Variants in NTNG2 observed in about 807,000 individuals in gnomAD.
NTNG2 encodes the protein netrin G2.
NTNG2 carries 15 observed loss-of-function variants against 47.6 expected under a neutral mutation model. That is an observed-to-expected ratio of 0.32 (90% confidence interval 0.21 to 0.49). The LOEUF (loss-of-function observed/expected upper bound fraction) is 0.49, where lower values mean the gene tolerates loss of function less well. NTNG2 is among the 20% of genes least tolerant of loss of function. The probability of loss-of-function intolerance (pLI) is 0.99; values close to 1 mark genes in which losing one functional copy is unlikely to be tolerated. For missense variants in NTNG2, 578 were observed against 764.6 expected (o/e 0.76, Z 2.88); for synonymous variants, 307 against 324.6 (o/e 0.95, Z 0.58).
At chr9:132,211,836 G>A (rs1839613015) in intron 3 of NTNG2, among the ~76,000 whole-genome samples, 1 of 152,218 alleles carries the variant, frequency 6.6e-6, no homozygotes, top group South Asian at 2.1e-4. Context: ...AGCTCCAAGG[G>A]AGCAGGGATG....
At chr9:132,195,777 C>T (rs1233308345) in intron 2 of NTNG2, among the ~76,000 whole-genome samples, 1 of 151,814 alleles carries the variant, frequency 6.6e-6, no homozygotes, top group Non-Finnish European at 1.5e-5. Context: ...CACAGGTGTG[C>T]ACCACTATGC....
intron 2 of NTNG2, among the ~76,000 whole-genome samples, chr9:132,183,447 A>T (rs1837101151): frequency 6.6e-6 from 1 of 152,008 alleles, no homozygotes; most frequent in Admixed American, 6.6e-5. Context: ...TGCTCAGTCG[A>T]CCTAGAGCAC....
At chr9:132,213,775 C>T (rs904547439) in intron 3 of NTNG2, among the ~76,000 whole-genome samples, 1 of 152,204 alleles carries the variant, frequency 6.6e-6, no homozygotes, top group Non-Finnish European at 1.5e-5. Context: ...ACATTGCTGG[C>T]TGTGTTAAAA....
chr9:132,191,204 G>A (rs992501381), intron 2 of NTNG2, among the ~76,000 whole-genome samples: 1 of 152,184 alleles, frequency 6.6e-6, no homozygotes, highest in Non-Finnish European at 1.5e-5. Context: ...ACTCTTCTGA[G>A]TCAGCCGTTC....
chr9:132,207,906 C>G (rs1281414851), intron 3 of NTNG2, among the ~76,000 whole-genome samples: 1 of 152,158 alleles, frequency 6.6e-6, no homozygotes, highest in Non-Finnish European at 1.5e-5. Flanking sequence ...GAGTTCAAGA[C>G]CAGCTTGGGC....
rs993236548 is a variant in NTNG2 at position 132,162,636 on chromosome 9, G to A, written c.-484+397G>A. On this transcript the variant is annotated intron_variant, in intron 1 of 7. Transcript: ENST00000393229. The surrounding 1 kb of genome is among the most constrained non-coding windows in gnomAD (Gnocchi z 4.6). ...TGTGTGTCGGGGAGGGATGTTGCAA[G>A]GATGCTCGGATGTGTCTCGGAAAAG... 2.7e-5 allele frequency among the ~76,000 whole-genome samples: 4 copies of A among 146,448 alleles called. No individual in the cohort carries two copies. The highest frequency in any genetic ancestry group is 6.9e-5 in the Admixed American group (1 of 14,500).
rs535926304 is a variant in NTNG2 at position 132,198,502 on chromosome 9, C to T, written c.750C>T (p.Thr250=). 5.1e-5 allele frequency: 83 copies of T among 1,613,162 alleles called. No homozygotes were observed. In the Middle Eastern group the frequency reaches 8.2e-4, roughly 16 times the overall value. ...AKGLKEFFTL[T]DLRMRLLRPA... is the part of the protein sequence containing the mutation. ...GCCTCAAGGAGTTCTTCACCCTCAC[C>T]GACCTGCGCATGCGGCTGCTGCGCC... The change falls in exon 3 of 8, where the codon ACC becomes ACT. Residue 250 remains threonine, a synonymous_variant. Coordinates refer to ENST00000393229, the MANE Select transcript of NTNG2 (RefSeq NM_032536.4).
chr9:132,206,749 G>T (rs1839197856), intron 3 of NTNG2, among the ~76,000 whole-genome samples: 1 of 152,266 alleles, frequency 6.6e-6, no homozygotes, highest in Non-Finnish European at 1.5e-5. Context: ...GTTAAGTACA[G>T]TTCACACACC....
In NTNG2 at chr9:132,195,458, A is replaced by T. The variant is rs12005960; in HGVS notation, c.214-2508A>T. On this transcript the variant is annotated intron_variant, in intron 2 of 7. Coordinates refer to ENST00000393229, the MANE Select transcript of NTNG2 (RefSeq NM_032536.4). Reference sequence around the variant, plus strand: ...CGAGTAGCTGGGACTACAGGCGCCCACCACCACGCCTGGCTATTTTTTTTT... The same window carrying T: ...CGAGTAGCTGGGACTACAGGCGCCCTCCACCACGCCTGGCTATTTTTTTTT... Among the ~76,000 whole-genome samples, 2 of 132,958 alleles carry T rather than the reference A, an allele frequency of 1.5e-5. 1 individual carries two copies. The highest frequency in any genetic ancestry group is 5.0e-4 in the South Asian group (2 of 3,994). The allele number at this position is 132,958 out of a possible 152,430, so 87.2% of individuals were successfully genotyped here.
Position 132,212,038 on chromosome 9 carries a change from C to T in NTNG2, c.857+13429C>T, listed in dbSNP as rs981313939. Among the ~76,000 whole-genome samples, 5 of 152,170 alleles carry T rather than the reference C, an allele frequency of 3.3e-5. No individual in the cohort carries two copies. In the South Asian group the frequency reaches 6.2e-4, roughly 19 times the overall value. On this transcript the variant is annotated intron_variant, in intron 3 of 7. Transcript: ENST00000393229. ...GAGAAGAAAGAGACTGGAATATAGG[C>T]GCTAGGAGGCAGAGAGGCAGGACCA...
At chr9:132,177,138 C>T (rs1564387967) in intron 2 of NTNG2, among the ~76,000 whole-genome samples, 1 of 152,162 alleles carries the variant, frequency 6.6e-6, no homozygotes, top group African/African-American at 2.4e-5. Flanking sequence ...AGGTACACAC[C>T]ACCACACCCA....
chr9:132,183,805 A>G (rs1174333828), intron 2 of NTNG2, among the ~76,000 whole-genome samples: 2 of 152,152 alleles, frequency 1.3e-5, no homozygotes. Context: ...CTGGCCACAC[A>G]TCTGAGTCAC....
At chr9:132,227,767 T>A (rs1346582792) in intron 4 of NTNG2, among the ~76,000 whole-genome samples, 1 of 152,106 alleles carries the variant, frequency 6.6e-6, no homozygotes, top group Non-Finnish European at 1.5e-5. Context: ...TAGACCCCCT[T>A]CTGAGGACCA....
At chr9:132,213,607 C>G (rs1839767791) in intron 3 of NTNG2, among the ~76,000 whole-genome samples, 1 of 152,198 alleles carries the variant, frequency 6.6e-6, no homozygotes, top group Admixed American at 6.5e-5. Flanking sequence ...AACACGCCAG[C>G]CTCCCTTGTG....
rs758191774 is a variant in NTNG2, at chr9:132,226,834, T to C, written c.858-15T>C. 14 of 1,579,562 alleles carry C rather than the reference T, an allele frequency of 8.9e-6. No individual in the cohort carries two copies. The South Asian group carries it at 1.5e-4, about 17-fold the overall frequency. The stretch of plus-strand genomic sequence containing the variant: ...CAAGCTCTCTGACATCTCTGCCCTC[T>C]CGGTGTCTCCCCAGGTGCAAGTGCA... On this transcript the variant is annotated splice_polypyrimidine_tract_variant and intron_variant, in intron 3 of 7. Transcript: ENST00000393229. This position sits in a 1 kb window ranked among gnomAD's most constrained non-coding sequence, Gnocchi z 4.8.
intron 3 of NTNG2, among the ~76,000 whole-genome samples, chr9:132,213,560 G>A (rs1347730102): frequency 6.6e-6 from 1 of 152,082 alleles, no homozygotes; most frequent in East Asian, 1.9e-4. Flanking sequence ...AGAAAGCGAG[G>A]GCCCTTGTTG....
chr9:132,201,144 A>C (rs923605928), intron 3 of NTNG2, among the ~76,000 whole-genome samples: 1 of 152,188 alleles, frequency 6.6e-6, no homozygotes, highest in Non-Finnish European at 1.5e-5. Context: ...TAGGATCCAG[A>C]CTGGGACTGT....
At chr9:132,194,731 A>G (rs1453868603) in intron 2 of NTNG2, among the ~76,000 whole-genome samples, 2 of 152,244 alleles carry the variant, frequency 1.3e-5, no homozygotes, top group African/African-American at 4.8e-5. Context: ...GCCTGAGGAC[A>G]GAGCTATTTT....
chr9:132,213,139 C>T (rs571437308), intron 3 of NTNG2, among the ~76,000 whole-genome samples: 46 of 152,088 alleles, frequency 3.0e-4, no homozygotes, highest in African/African-American at 1.1e-3. Context: ...GTAAAACCCT[C>T]GTCTCTACTA....
Sources: gnomAD v4.1 joint callset for allele counts (sites outside exome capture counted in the v4.1 genomes callset) on GRCh38, gnomAD v4.1.1 for gene constraint, Gnocchi (gnomAD v3.1) non-coding constraint, MANE v1.5 for transcripts, NCBI Gene and HGNC (gene_info 2026-07-23, HGNC 2026-07-21) for gene names.